The following NSUN6 variants were observed in gnomAD, a reference collection of about 807,000 sequenced individuals.
NSUN6 encodes NOP2/Sun RNA methyltransferase 6, also known as tRNA (cytosine(72)-C(5))-methyltransferase NSUN6.
Under a neutral mutation model 58.0 loss-of-function variants are expected in NSUN6, and 64 were observed. The ratio of observed to expected loss-of-function variants is 1.10; its 90% CI spans 0.90 to 1.36. NSUN6 has a LOEUF of 1.36. Ranked by LOEUF, NSUN6 falls within the 40% of genes most tolerant of loss-of-function variation. NSUN6 has a pLI of 0.00. For missense variants in NSUN6, 701 were observed against 550.1 expected, an observed-to-expected ratio of 1.27 and a Z score of -2.74; for synonymous variants, 231 against 193.9, an observed-to-expected ratio of 1.19 and a Z score of -1.59.
intron 6 of NSUN6, among the ~76,000 whole-genome samples, chr10:18,602,635 G>GC (rs2057892406): frequency 6.6e-6 from 1 of 152,164 alleles, no homozygotes; most frequent in Non-Finnish European, 1.5e-5. Context: ...CTCCCAAAGT[G>GC]CTGGGATTAC....
At chr10:18,655,935 T>C (rs973769219), upstream of NSUN6, among the ~76,000 whole-genome samples, 2 of 152,224 alleles carry the variant, frequency 1.3e-5, no homozygotes, top group African/African-American at 2.4e-5. Flanking sequence ...ACCAAAGTCA[T>C]AGACCTACGG....
chr10:18,591,103 A>G (rs571836413), intron 7 of NSUN6, among the ~76,000 whole-genome samples: 1 of 152,228 alleles, frequency 6.6e-6, no homozygotes, highest in Non-Finnish European at 1.5e-5. Flanking sequence ...AGAATACTAT[A>G]AACCCCTCCA....
intron 4 of NSUN6, 122 bp downstream of exon 4, chr10:18,616,062 G>T: frequency 1.6e-6 from 1 of 624,398 alleles, no homozygotes. Context: ...ATGCAAAGCT[G>T]GAAAAATACC....
At chr10:18,634,711 C>T (rs1255736807) in intron 3 of NSUN6, among the ~76,000 whole-genome samples, 2 of 151,894 alleles carry the variant, frequency 1.3e-5, no homozygotes, top group African/African-American at 2.4e-5. Flanking sequence ...GCAGTGAGCT[C>T]CTGCCACTGC....
At chr10:18,618,611 G>A (rs1056499123) in intron 3 of NSUN6, among the ~76,000 whole-genome samples, 3 of 151,302 alleles carry the variant, frequency 2.0e-5, no homozygotes, top group Non-Finnish European at 4.4e-5. Flanking sequence ...GAACCCAGGA[G>A]GTGGAGGTTG....
intron 1 of NSUN6, among the ~76,000 whole-genome samples, chr10:18,649,514 G>C (rs1357635287): frequency 6.6e-6 from 1 of 151,826 alleles, no homozygotes; most frequent in Non-Finnish European, 1.5e-5. Flanking sequence ...TGAGGTCCCA[G>C]CTACTCGGGA....
chr10:18,549,257 C>G (rs998086420), intron 9 of NSUN6, among the ~76,000 whole-genome samples: 1 of 152,134 alleles, frequency 6.6e-6, no homozygotes, highest in Non-Finnish European at 1.5e-5. Flanking sequence ...CTCCTGTACA[C>G]CTCTTACTCT....
chr10:18,651,056 ATTTC>A (rs2059689743), intron 1 of NSUN6, 69 bp downstream of exon 1: 1 of 1,550,216 alleles, frequency 6.5e-7, no homozygotes, highest in Non-Finnish European at 8.7e-7. Flanking sequence ...CTTTATACTT[ATTTC>A]TATTTCTCTC....
At chr10:18,589,883 G>A (rs1459584433) in intron 7 of NSUN6, among the ~76,000 whole-genome samples, 1 of 152,156 alleles carries the variant, frequency 6.6e-6, no homozygotes, top group Non-Finnish European at 1.5e-5. Context: ...GCATCATGAT[G>A]ACAGGATCAA....
chr10:18,619,745 G>A (rs1391758830), intron 3 of NSUN6, among the ~76,000 whole-genome samples: 1 of 152,086 alleles, frequency 6.6e-6, no homozygotes, highest in Non-Finnish European at 1.5e-5. Context: ...CTCCAGGTTT[G>A]CAATTCAACT....
chr10:18,570,586 T>G (rs1313747759), intron 8 of NSUN6, among the ~76,000 whole-genome samples: 2 of 149,678 alleles, frequency 1.3e-5, no homozygotes, highest in African/African-American at 4.9e-5. Flanking sequence ...TCCATTCCAT[T>G]CTCCATTCCA....
chr10:18,614,876 T>G (rs2058356304), intron 4 of NSUN6, among the ~76,000 whole-genome samples: 1 of 152,068 alleles, frequency 6.6e-6, no homozygotes, highest in South Asian at 2.1e-4. Flanking sequence ...CAACTGGAAA[T>G]CTCAAGCTGA....
intron 8 of NSUN6, among the ~76,000 whole-genome samples, chr10:18,560,739 T>G (rs1414022895): frequency 1.4e-5 from 2 of 146,088 alleles, no homozygotes; most frequent in African/African-American, 2.6e-5. Flanking sequence ...GAGAATGGAA[T>G]AGAGAATGGA....
At chr10:18,576,283 G>A (rs11516859) in intron 8 of NSUN6, among the ~76,000 whole-genome samples, 7,371 of 151,810 alleles carry the variant, frequency 0.049, 270 homozygotes, top group Non-Finnish European at 0.077. Flanking sequence ...TTGCCAAGTC[G>A]AAGACAGATC....
rs537360839 is a variant in NSUN6, at chr10:18,579,029, C to T, written c.922+6920G>A. Among the ~76,000 whole-genome samples the T allele has an allele frequency of 1.4e-3, 208 of 152,192 alleles. 2 individuals carry two copies. The highest frequency in any genetic ancestry group is 4.8e-3 in the African/African-American group (200 of 41,528). ...TGAAACTCCTACAAATATTCCAGAC[C>T]TTTCTTAGAACAGGCTAGGATCACC... On this transcript the variant is annotated intron_variant, in intron 8 of 10. Coordinates refer to ENST00000377304, the MANE Select transcript of NSUN6 (RefSeq NM_182543.5).
chr10:18,562,276 T>A (rs988696689), intron 8 of NSUN6, among the ~76,000 whole-genome samples: 1 of 148,704 alleles, frequency 6.7e-6, no homozygotes, highest in Admixed American at 6.8e-5. Flanking sequence ...TGGAATGGAA[T>A]AGAATGGAGA....
chr10:18,579,018 A>G (rs2056788320), intron 8 of NSUN6, among the ~76,000 whole-genome samples: 1 of 152,190 alleles, frequency 6.6e-6, no homozygotes, highest in African/African-American at 2.4e-5. Flanking sequence ...ACTCCTACAA[A>G]TATTCCAGAC....
At chr10:18,652,355 T>C (rs946185124), upstream of NSUN6, 1 of 983,546 alleles carries the variant, frequency 1.0e-6, no homozygotes, top group Non-Finnish European at 1.2e-6. Flanking sequence ...ATATGTTTTT[T>C]GCAGCACACC....
chr10:18,546,703 C>T (rs2054284545), intron 10 of NSUN6, among the ~76,000 whole-genome samples: 2 of 152,042 alleles, frequency 1.3e-5, no homozygotes, highest in Admixed American at 1.3e-4. Context: ...CAAGGTGACA[C>T]CCTGTCTCTA....
Sources: gnomAD v4.1 joint callset for allele counts (sites outside exome capture counted in the v4.1 genomes callset) on GRCh38, gnomAD v4.1.1 for gene constraint, MANE v1.5 for transcripts, NCBI Gene and HGNC (gene_info 2026-07-23, HGNC 2026-07-21) for gene names.